The following WDPCP variants were observed in gnomAD, a reference collection of about 807,000 sequenced individuals.
WDPCP encodes the protein WD repeat-containing and planar cell polarity effector protein fritz homolog.
A neutral mutation model predicts 93.1 loss-of-function variants in WDPCP; 71 were observed. The observed-to-expected ratio is 0.76, with a 90% CI of 0.63 to 0.93. The LOEUF (loss-of-function observed/expected upper bound fraction) is 0.93, where lower values mean the gene tolerates loss of function less well. Ranked by LOEUF, WDPCP falls within the 40% of genes least tolerant of loss-of-function variation. WDPCP has a pLI of 0.00. For missense variants in WDPCP, 844 were observed against 887.4 expected (o/e 0.95, Z 0.62); for synonymous variants, 315 against 315.0 (o/e 1.00, Z 0.00).
intron 3 of WDPCP, chr2:63,605,262 C>T (rs768163294): frequency 1.9e-6 from 3 of 1,547,212 alleles, no homozygotes; most frequent in East Asian, 4.5e-5. Flanking sequence ...CTGCTGCCTT[C>T]ACCTGCCCCC....
In WDPCP at chr2:63,181,291, T is replaced by C. The variant is rs150981019; in HGVS notation, c.1916-6459A>G. ...CATCTAGGCCAATGTCCAGAGGAGT[T>C]TTCCGTAGGTTTTCTTCTAGTATTT... On this transcript the variant is annotated intron_variant, in intron 14 of 17. Transcript: ENST00000272321. 3.9e-5 allele frequency among the ~76,000 whole-genome samples: 6 copies of C among 152,228 alleles called. No individual in the cohort carries two copies. In the East Asian group the frequency reaches 9.6e-4, roughly 24 times the overall value.
At chr2:63,316,758 A>G (rs756203697) in intron 12 of WDPCP, among the ~76,000 whole-genome samples, 4 of 152,150 alleles carry the variant, frequency 2.6e-5, no homozygotes, top group African/African-American at 4.8e-5. Flanking sequence ...AAGTCAAACT[A>G]TCTCCCTTCT....
chr2:63,529,914 TG>T (rs1271052290), intron 1 of WDPCP, among the ~76,000 whole-genome samples: 4 of 152,338 alleles, frequency 2.6e-5, no homozygotes, highest in African/African-American at 9.6e-5. Flanking sequence ...AACTTCTTCC[TG>T]GTTTAGTCTT....
At chr2:63,513,490 C>G (rs1365995488) in intron 1 of WDPCP, among the ~76,000 whole-genome samples, 1 of 152,082 alleles carries the variant, frequency 6.6e-6, no homozygotes, top group Non-Finnish European at 1.5e-5. Context: ...AGCAAGGTAT[C>G]TCAGACGTTC....
chr2:63,614,033 T>C (rs1377799371), intron 3 of WDPCP, among the ~76,000 whole-genome samples: 1 of 152,176 alleles, frequency 6.6e-6, no homozygotes, highest in Non-Finnish European at 1.5e-5. Context: ...ATTTACATAA[T>C]ATAAGAACCT....
At chr2:63,223,372 C>G (rs1185532291) in intron 14 of WDPCP, among the ~76,000 whole-genome samples, 3 of 152,082 alleles carry the variant, frequency 2.0e-5, no homozygotes, top group Non-Finnish European at 4.4e-5. Flanking sequence ...GTGAGAATCC[C>G]GAGATAGCAT....
chr2:63,159,096 C>T (rs1323833587), intron 15 of WDPCP, among the ~76,000 whole-genome samples: 1 of 149,670 alleles, frequency 6.7e-6, no homozygotes, highest in African/African-American at 2.5e-5. Context: ...GTTAAGGCTG[C>T]AGTGAGCTGT....
chr2:63,142,440 G>A (rs1308046742), intron 17 of WDPCP, among the ~76,000 whole-genome samples: 1 of 152,074 alleles, frequency 6.6e-6, no homozygotes, highest in Non-Finnish European at 1.5e-5. Flanking sequence ...GTATTTGTAT[G>A]GTTCTGAAGG....
At chr2:63,779,045 T>C (rs1025228252) in intron 2 of WDPCP, among the ~76,000 whole-genome samples, 2 of 152,198 alleles carry the variant, frequency 1.3e-5, no homozygotes, top group Non-Finnish European at 2.9e-5. Context: ...TTTTCCTTCT[T>C]TGAATCCCAA....
intron 11 of WDPCP, among the ~76,000 whole-genome samples, chr2:63,380,100 G>C (rs1692176741): frequency 6.6e-6 from 1 of 152,004 alleles, no homozygotes; most frequent in African/African-American, 2.4e-5. Flanking sequence ...TAAGGTGCTA[G>C]CAATTTTTCA....
At chr2:63,513,488 A>G (rs1182465633) in intron 1 of WDPCP, among the ~76,000 whole-genome samples, 2 of 152,064 alleles carry the variant, frequency 1.3e-5, no homozygotes, top group Non-Finnish European at 2.9e-5. Flanking sequence ...GAAGCAAGGT[A>G]TCTCAGACGT....
At chr2:63,485,042 C>T in intron 4 of WDPCP, 55 bp from the exon 5 acceptor site, 2 of 1,598,004 alleles carry the variant, frequency 1.3e-6, no homozygotes, top group Non-Finnish European at 1.7e-6. Flanking sequence ...AAAGGAAATT[C>T]TGCTTAGCAG....
At chr2:63,491,452 C>T (rs1034605951) in intron 2 of WDPCP, among the ~76,000 whole-genome samples, 8 of 152,174 alleles carry the variant, frequency 5.3e-5, no homozygotes, top group Admixed American at 1.3e-4. Flanking sequence ...CTCCCTCAAA[C>T]GTCTATATAC....
intron 1 of WDPCP, among the ~76,000 whole-genome samples, chr2:63,540,317 AAG>A (rs1704612148): frequency 6.6e-6 from 1 of 152,252 alleles, no homozygotes; most frequent in Admixed American, 6.5e-5. Context: ...CTAATGAATT[AAG>A]AGTTATGGAA....
At chr2:63,392,282 G>C (rs1240161211) in intron 10 of WDPCP, among the ~76,000 whole-genome samples, 3 of 152,178 alleles carry the variant, frequency 2.0e-5, no homozygotes, top group Non-Finnish European at 4.4e-5. Flanking sequence ...ACAAGCAATG[G>C]GGAAAGGATT....
At chr2:63,802,047 G>A (rs1670703360) in intron 2 of WDPCP, among the ~76,000 whole-genome samples, 1 of 152,028 alleles carries the variant, frequency 6.6e-6, no homozygotes, top group African/African-American at 2.4e-5. Flanking sequence ...AGAATTTGTG[G>A]ACACATTTTA....
At chr2:63,271,129 C>A (rs1390882237) in intron 13 of WDPCP, among the ~76,000 whole-genome samples, 2 of 152,202 alleles carry the variant, frequency 1.3e-5, no homozygotes, top group Non-Finnish European at 2.9e-5. Context: ...GTGATGTGTA[C>A]TGGGGAGGCT....
At chr2:63,168,603 G>A (rs1673168011) in intron 15 of WDPCP, 1 of 152,100 alleles carries the variant, frequency 6.6e-6, no homozygotes, top group African/African-American at 2.4e-5. Context: ...TCTCTCTGAG[G>A]TATGTGTTTC....
chr2:63,247,780 T>G (rs1264540835), intron 14 of WDPCP, among the ~76,000 whole-genome samples: 1 of 152,060 alleles, frequency 6.6e-6, no homozygotes, highest in Non-Finnish European at 1.5e-5. Flanking sequence ...AGAGAAGGAC[T>G]TATGTCTTAG....
Sources: allele counts gnomAD v4.1 joint callset (sites outside exome capture counted in the v4.1 genomes callset), GRCh38; gene constraint gnomAD v4.1.1; transcripts MANE v1.5; gene names NCBI Gene and HGNC (gene_info 2026-07-23, HGNC 2026-07-21).